GATB: variants seen among roughly 807,000 people sequenced by gnomAD.
The protein encoded by GATB is glutamyl-tRNA(Gln) amidotransferase subunit B, mitochondrial.
Under a neutral mutation model 62.3 loss-of-function variants are expected in GATB, and 39 were observed. The ratio of observed to expected loss-of-function variants is 0.63; its 90% confidence interval spans 0.48 to 0.82. The LOEUF is 0.82. GATB is among the 40% of genes least tolerant of loss of function. The pLI is 0.00. For synonymous variants in GATB, 276 were observed against 258.9 expected (o/e 1.07, Z -0.63); for missense variants, 670 against 684.0 (o/e 0.98, Z 0.23).
At chr4:151,703,158 G>A (rs1014178607) in intron 8 of GATB, 4 of 152,330 alleles carry the variant, frequency 2.6e-5, no homozygotes, top group Non-Finnish European at 4.4e-5. Context: ...TGAGGTTCAT[G>A]CTAAGCGTTT....
chr4:151,734,166 T>A (rs1341358455), intron 2 of GATB, among the ~76,000 whole-genome samples: 1 of 152,198 alleles, frequency 6.6e-6, no homozygotes. Flanking sequence ...CCCTGTCTGC[T>A]GACGATATGA....
chr4:151,700,625 A>G (rs1316163301), intron 9 of GATB, among the ~76,000 whole-genome samples: 1 of 152,230 alleles, frequency 6.6e-6, no homozygotes, highest in Non-Finnish European at 1.5e-5. Flanking sequence ...AGATGCAGCA[A>G]CAAAACTTCC....
At position 151,672,801 on chromosome 4, in the gene GATB, C is replaced by A; in HGVS notation, c.1506G>T (p.Glu502Asp). ...CCTCCATCACAGAGTGGCAGAGCTG[C>A]TCCAGTGCCCCCTGGTCCTGCATCA... ...LELMQDQGAL[E>D]QLCHSVMEAH... The change falls in exon 12 of 13, where the codon GAG (glutamate) becomes GAT (aspartate). Residue 502 changes from glutamate (E) to aspartate (D), a missense_variant. Glu to Asp is a conservative substitution (Grantham distance 45). Transcript: ENST00000263985. 8.7e-6 allele frequency: 14 copies of A among 1,614,210 alleles called. No homozygotes were observed. The highest frequency in any genetic ancestry group is 1.2e-5 in the Non-Finnish European group (14 of 1,180,022).
rs181381213 is a variant in GATB at position 151,672,258 on chromosome 4, C to T, written c.1545+504G>A. 9.6e-3 allele frequency among the ~76,000 whole-genome samples: 1,458 copies of T among 152,304 alleles called. 20 individuals are homozygous for T. The highest frequency in any genetic ancestry group is 0.033 in the African/African-American group (1,362 of 41,552). On this transcript the variant is annotated intron_variant, in intron 12 of 12. Coordinates refer to ENST00000263985, the MANE Select transcript of GATB (RefSeq NM_004564.3). ...AACACAAAATGACCTGGTTTTCAGT[C>T]ATGCTCCTGTCAGGGATTTTCTCCA...
intron 2 of GATB, among the ~76,000 whole-genome samples, chr4:151,758,441 G>T (rs552069236): frequency 1.3e-5 from 2 of 152,274 alleles, no homozygotes; most frequent in South Asian, 4.1e-4. Context: ...TTCTCTGTTT[G>T]TTTATAAGAC....
chr4:151,709,185 G>A (rs1466169065), intron 5 of GATB, among the ~76,000 whole-genome samples: 1 of 152,128 alleles, frequency 6.6e-6, no homozygotes, highest in Non-Finnish European at 1.5e-5. Context: ...TGAATTCCAT[G>A]TCAAGAAAAG....
At chr4:151,673,262 G>GA (rs553019518) in intron 11 of GATB, 1,888 of 179,342 alleles carry the variant, frequency 0.011, 27 homozygotes, top group Non-Finnish European at 0.018. Context: ...TGGCGGGGGG[G>GA]GGCCGCGGGA....
At chr4:151,684,238 A>C (rs998308337) in intron 10 of GATB, among the ~76,000 whole-genome samples, 2 of 152,228 alleles carry the variant, frequency 1.3e-5, no homozygotes, top group Non-Finnish European at 2.9e-5. Context: ...ACTGGCTTGG[A>C]CAGCTGGATA....
At chr4:151,702,996 C>T (rs911147448) in intron 8 of GATB, among the ~76,000 whole-genome samples, 6 of 152,096 alleles carry the variant, frequency 3.9e-5, no homozygotes, top group Admixed American at 1.3e-4. Flanking sequence ...GATGGAAAGC[C>T]GGACTCCACA....
intron 11 of GATB, 82 bp from the exon 12 acceptor site, chr4:151,672,978 G>A (rs1737907565): frequency 2.6e-6 from 4 of 1,527,004 alleles, no homozygotes; most frequent in East Asian, 4.5e-5. Flanking sequence ...GTGCTGTGTG[G>A]AGCTGGGGTG....
chr4:151,695,682 C>T (rs1578905787), intron 9 of GATB, among the ~76,000 whole-genome samples: 1 of 152,290 alleles, frequency 6.6e-6, no homozygotes, highest in Middle Eastern at 3.4e-3. Context: ...TCTTGAAGGA[C>T]AGGAGGCACC....
chr4:151,753,769 T>A (rs1739767487), intron 2 of GATB, among the ~76,000 whole-genome samples: 1 of 151,318 alleles, frequency 6.6e-6, no homozygotes, highest in Non-Finnish European at 1.5e-5. Flanking sequence ...CTCATCAGCA[T>A]TTAAACATTC....
At chr4:151,756,216 C>T (rs769878002) in intron 2 of GATB, among the ~76,000 whole-genome samples, 1 of 152,168 alleles carries the variant, frequency 6.6e-6, no homozygotes, top group African/African-American at 2.4e-5. Flanking sequence ...TTGACCAAAA[C>T]AATAACATAA....
intron 6 of GATB, 136 bp downstream of exon 6, chr4:151,707,852 G>C (rs947143684): frequency 8.3e-5 from 52 of 624,326 alleles, no homozygotes; most frequent in Non-Finnish European, 8.6e-5. Context: ...TGAGTGAGCC[G>C]ACACAGGACC....
At chr4:151,718,356 T>C (rs1407105261) in intron 3 of GATB, among the ~76,000 whole-genome samples, 1 of 152,156 alleles carries the variant, frequency 6.6e-6, no homozygotes. Context: ...TGCTTTATTA[T>C]ATGAGTATGT....
chr4:151,681,670 T>C (rs145512001), intron 10 of GATB, among the ~76,000 whole-genome samples: 1 of 152,276 alleles, frequency 6.6e-6, no homozygotes, highest in African/African-American at 2.4e-5. Flanking sequence ...CTTGGTCTGT[T>C]TGGGCTGCTC....
At chr4:151,709,065 G>A (rs999791583) in intron 5 of GATB, among the ~76,000 whole-genome samples, 3 of 152,170 alleles carry the variant, frequency 2.0e-5, no homozygotes, top group South Asian at 2.1e-4. Context: ...TCCTAGTTAC[G>A]TTTTTAAATT....
intron 2 of GATB, chr4:151,720,847 G>A (rs1258451597): frequency 6.7e-6 from 1 of 149,066 alleles, no homozygotes; most frequent in Non-Finnish European, 1.5e-5. Flanking sequence ...TTTAGGCTGG[G>A]ATGACGAGTG....
intron 2 of GATB, chr4:151,723,487 C>T (rs1196769496): frequency 1.3e-5 from 2 of 152,220 alleles, no homozygotes; most frequent in African/African-American, 4.8e-5. Context: ...AGAGCAGCAC[C>T]TCAACCCAAA....
Sources: gnomAD v4.1 joint callset for allele counts (sites outside exome capture counted in the v4.1 genomes callset) on GRCh38, gnomAD v4.1.1 for gene constraint, MANE v1.5 for transcripts, NCBI Gene and HGNC (gene_info 2026-07-23, HGNC 2026-07-21) for gene names.